Variants in GRM3 observed in about 807,000 individuals in gnomAD.
GRM3 encodes metabotropic glutamate receptor 3.
A neutral mutation model predicts 70.5 loss-of-function variants in GRM3; 26 were observed. The ratio of observed to expected loss-of-function variants is 0.37; its 90% CI spans 0.27 to 0.51. The LOEUF (loss-of-function observed/expected upper bound fraction) is 0.51, where lower values mean the gene tolerates loss of function less well. Ranked by LOEUF, GRM3 falls within the 20% of genes least tolerant of loss-of-function variation. GRM3 has a pLI of 0.93. For missense variants in GRM3, 859 were observed against 1,123.8 expected (o/e 0.76, Z 3.37); for synonymous variants, 443 against 434.9 (o/e 1.02, Z -0.23).
chr7:86,838,780 ATCACACGTAAG>A (rs952942353), intron 3 of GRM3, 48 bp from the exon 4 acceptor site: 1 of 881,284 alleles, frequency 1.1e-6, no homozygotes, highest in African/African-American at 1.7e-5. Flanking sequence ...TAATTGACTA[ATCACACGTAAG>A]ACACCTAAAC....
chr7:86,731,217 T>C (rs1019416294), intron 1 of GRM3, among the ~76,000 whole-genome samples: 1 of 152,222 alleles, frequency 6.6e-6, no homozygotes, highest in Non-Finnish European at 1.5e-5. Context: ...GAATTCATCA[T>C]ATTACCTTTT....
intron 5 of GRM3, among the ~76,000 whole-genome samples, chr7:86,855,551 T>A (rs1335103080): frequency 6.6e-6 from 1 of 152,128 alleles, no homozygotes; most frequent in East Asian, 1.9e-4. Context: ...GGAGATTGAT[T>A]TTCTCTGCCA....
chr7:86,764,690 T>C (rs1025313754), intron 1 of GRM3, among the ~76,000 whole-genome samples: 6 of 152,062 alleles, frequency 3.9e-5, no homozygotes, highest in African/African-American at 1.4e-4. Context: ...AGTACTGGAC[T>C]TGGCTTTCAA....
At chr7:86,759,367 T>C (rs1796424764) in intron 1 of GRM3, among the ~76,000 whole-genome samples, 1 of 152,170 alleles carries the variant, frequency 6.6e-6, no homozygotes. Flanking sequence ...CAAAGTTGAA[T>C]TTTGCCCTAC....
At position 86,786,473 on chromosome 7, in the gene GRM3, C is replaced by T. The variant is rs1294111117; in HGVS notation, c.681C>T (p.Ile227=). Residue 227 remains isoleucine, a synonymous_variant, in exon 3 of 6, where the codon ATC becomes ATT. Transcript: ENST00000361669. The surrounding 1 kb of genome is among the most constrained non-coding windows in gnomAD (Gnocchi z 6.0). The stretch of plus-strand genomic sequence containing the variant: ...AGGGTGATTACGGGGAGACAGGGAT[C>T]GAGGCCTTCGAGCAGGAAGCCCGCC... The part of the protein sequence containing the change: ...ASEGDYGETG[I]EAFEQEARLR... 6.2e-7 allele frequency: 1 copy of T among 1,614,242 alleles called. No individual in the cohort carries two copies.
intron 1 of GRM3, among the ~76,000 whole-genome samples, chr7:86,686,709 T>C (rs958997035): frequency 6.6e-6 from 1 of 152,154 alleles, no homozygotes; most frequent in African/African-American, 2.4e-5. Context: ...GATATTTAAC[T>C]TGTCTATAAT....
intron 5 of GRM3, among the ~76,000 whole-genome samples, chr7:86,858,245 C>A (rs891108347): frequency 1.3e-5 from 2 of 152,060 alleles, no homozygotes; most frequent in Non-Finnish European, 2.9e-5. Context: ...CATGAACCAC[C>A]ATGCCTGGCC....
chr7:86,765,618 G>T lies in GRM3; in HGVS notation c.468+5G>T. Reference sequence around the variant, plus strand: ...TATAGCAGTGTTTCCATACAGGTAAGATTGGCTAATGCTATTGCTAAAAGG... The same window carrying T: ...TATAGCAGTGTTTCCATACAGGTAATATTGGCTAATGCTATTGCTAAAAGG... On this transcript the variant is annotated splice_donor_5th_base_variant and intron_variant, in intron 2 of 5. Transcript: ENST00000361669. The T allele has an allele frequency of 6.2e-7, 1 of 1,608,454 alleles. No individual in the cohort carries two copies. Among genetic ancestry groups the T allele is most frequent in the Non-Finnish European group, 8.5e-7 (1 of 1,175,652 alleles).
intron 1 of GRM3, among the ~76,000 whole-genome samples, chr7:86,698,607 A>T (rs1048763049): frequency 1.3e-5 from 2 of 149,524 alleles, no homozygotes; most frequent in East Asian, 3.9e-4. Flanking sequence ...ATATATAAAC[A>T]CTATAAAAGC....
At position 86,792,331 on chromosome 7, in the gene GRM3, C is replaced by T. The variant is rs983318106; in HGVS notation, c.1324+5215C>T. Among the ~76,000 whole-genome samples, 4 of 152,168 alleles carry T rather than the reference C, an allele frequency of 2.6e-5. No individual in the cohort carries two copies. In the South Asian group the frequency reaches 8.3e-4, roughly 32 times the overall value. ...CTGAAGCACATAAAAATGAACTCAA[C>T]TGTCAGAGTGATGTGGTAACTGGAG... On this transcript the variant is annotated intron_variant, in intron 3 of 5. Transcript: ENST00000361669.
chr7:86,762,939 G>A (rs1796515393), intron 1 of GRM3, among the ~76,000 whole-genome samples: 1 of 152,076 alleles, frequency 6.6e-6, no homozygotes, highest in South Asian at 2.1e-4. Context: ...GTGAGCAGTA[G>A]GACTTTAGAG....
At chr7:86,838,300 T>G (rs1024548798) in intron 3 of GRM3, among the ~76,000 whole-genome samples, 7 of 152,154 alleles carry the variant, frequency 4.6e-5, no homozygotes, top group Non-Finnish European at 5.9e-5. Context: ...GTAGTTTAAT[T>G]TTTTTCTTTC....
At chr7:86,716,868 G>T (rs1316859361) in intron 1 of GRM3, among the ~76,000 whole-genome samples, 2 of 151,792 alleles carry the variant, frequency 1.3e-5, no homozygotes, top group African/African-American at 4.8e-5. Flanking sequence ...CTGTTAAAGG[G>T]ATCAATGACT....
intron 2 of GRM3, among the ~76,000 whole-genome samples, chr7:86,773,343 C>T (rs2116458114): frequency 6.6e-6 from 1 of 151,962 alleles, no homozygotes; most frequent in Middle Eastern, 3.4e-3. Flanking sequence ...ATATTATTAT[C>T]CATTACCTTT....
chr7:86,654,001 T>TG (rs1373157301), intron 1 of GRM3, among the ~76,000 whole-genome samples: 1 of 152,126 alleles, frequency 6.6e-6, no homozygotes, highest in Non-Finnish European at 1.5e-5. Flanking sequence ...ATCTGCAGCG[T>TG]GGGGGCAGGG....
chr7:86,708,277 C>T (rs1795105999), intron 1 of GRM3, among the ~76,000 whole-genome samples: 1 of 152,148 alleles, frequency 6.6e-6, no homozygotes, highest in African/African-American at 2.4e-5. Context: ...GCTCCATGCC[C>T]AGTGGTCTCT....
chr7:86,820,776 T>C (rs1001920980), intron 3 of GRM3, among the ~76,000 whole-genome samples: 4 of 152,050 alleles, frequency 2.6e-5, no homozygotes, highest in African/African-American at 7.2e-5. Context: ...TTATGTTCCC[T>C]GAGAGGAAAA....
intron 1 of GRM3, among the ~76,000 whole-genome samples, chr7:86,744,346 A>G (rs1177374397): frequency 6.6e-6 from 1 of 151,766 alleles, no homozygotes; most frequent in Non-Finnish European, 1.5e-5. Context: ...AGGGGTCCAG[A>G]ATATTTGGGA....
At chr7:86,828,968 G>A (rs1798297978) in intron 3 of GRM3, among the ~76,000 whole-genome samples, 1 of 152,268 alleles carries the variant, frequency 6.6e-6, no homozygotes, top group South Asian at 2.1e-4. Context: ...TCTTCACCAG[G>A]TGTGGATTCT....
Sources: gnomAD v4.1 joint callset for allele counts (sites outside exome capture counted in the v4.1 genomes callset) on GRCh38, gnomAD v4.1.1 for gene constraint, Gnocchi (gnomAD v3.1) non-coding constraint, MANE v1.5 for transcripts, NCBI Gene and HGNC (gene_info 2026-07-23, HGNC 2026-07-21) for gene names.